Variants in SLCO1C1 observed in about 807,000 individuals in gnomAD.
SLCO1C1 encodes the protein solute carrier organic anion transporter family member 1C1.
A neutral mutation model predicts 76.4 loss-of-function variants in SLCO1C1; 70 were observed. The observed-to-expected ratio is 0.92, with a 90% CI of 0.76 to 1.12. SLCO1C1 has a LOEUF of 1.12. SLCO1C1 is among the 50% of genes most tolerant of loss of function. The pLI is 0.00. For synonymous variants in SLCO1C1, 306 were observed against 286.1 expected, an observed-to-expected ratio of 1.07 and a Z score of -0.70; for missense variants, 912 against 823.8, an observed-to-expected ratio of 1.11 and a Z score of -1.31.
chr12:20,751,479 G>A (rs935247982), intron 14 of SLCO1C1, among the ~76,000 whole-genome samples: 9 of 152,152 alleles, frequency 5.9e-5, no homozygotes, highest in African/African-American at 2.2e-4. Context: ...ATTTTCTGGA[G>A]AAATAAACTT....
chr12:20,738,692 G>A (rs1330236575), intron 11 of SLCO1C1, among the ~76,000 whole-genome samples: 2 of 151,620 alleles, frequency 1.3e-5, no homozygotes, highest in Non-Finnish European at 2.9e-5. Context: ...AGGTTTTTTT[G>A]TAATGAGAGC....
At chr12:20,697,219 C>G (rs1038877013) in intron 1 of SLCO1C1, 5 of 151,862 alleles carry the variant, frequency 3.3e-5, no homozygotes, top group African/African-American at 1.2e-4. Flanking sequence ...TTTCTGGTCA[C>G]TGACTTTAAT....
intron 3 of SLCO1C1, among the ~76,000 whole-genome samples, chr12:20,701,913 C>T (rs1320659402): frequency 6.6e-6 from 1 of 151,534 alleles, no homozygotes; most frequent in Non-Finnish European, 1.5e-5. Context: ...ATTTTTCCAC[C>T]CAGTGGTCTA....
intron 10 of SLCO1C1, among the ~76,000 whole-genome samples, chr12:20,734,579 T>C (rs1948458259): frequency 6.6e-6 from 1 of 152,174 alleles, no homozygotes; most frequent in African/African-American, 2.4e-5. Context: ...TATCCTTGTT[T>C]AAAAGAAACT....
chr12:20,711,283 T>G, intron 4 of SLCO1C1, 103 bp from the exon 5 acceptor site: 2 of 1,323,972 alleles, frequency 1.5e-6, no homozygotes, highest in Non-Finnish European at 2.0e-6. Context: ...CAGAGACAGC[T>G]GCAAGCTCAA....
chr12:20,699,629 A>C lies in SLCO1C1; in HGVS notation c.53A>C (p.Gln18Pro). 1 of 1,612,572 alleles carries C rather than the reference A, an allele frequency of 6.2e-7. No homozygotes were observed. Among genetic ancestry groups the C allele is most frequent in the Non-Finnish European group, 8.5e-7 (1 of 1,179,154 alleles). Residue 18 changes from glutamine to proline, a missense_variant, in exon 2 of 15, where the codon CAA becomes CCA. By Grantham distance (76) the Gln-to-Pro change is moderately conservative. Coordinates refer to ENST00000266509, the MANE Select transcript of SLCO1C1 (RefSeq NM_017435.5). ...CAGTTGTTCTGCAAAACTTCAGTGC[A>C]ACCTGTTGGAAGGCCTTCTTTTAAA... ...NIQLFCKTSV[Q>P]PVGRPSFKTE... is the part of the protein sequence containing the mutation.
intron 10 of SLCO1C1, among the ~76,000 whole-genome samples, chr12:20,734,156 T>C (rs969078937): frequency 2.0e-5 from 3 of 152,172 alleles, no homozygotes; most frequent in South Asian, 2.1e-4. Flanking sequence ...CTTCCCTGCT[T>C]ATCTGTCTTG....
intron 5 of SLCO1C1, among the ~76,000 whole-genome samples, chr12:20,711,800 TTTAGCACA>T (rs1373177302): frequency 6.6e-6 from 1 of 152,206 alleles, no homozygotes; most frequent in Non-Finnish European, 1.5e-5. Context: ...GTGAAACTAG[TTTAGCACA>T]TACAACTCTC....
intron 9 of SLCO1C1, among the ~76,000 whole-genome samples, chr12:20,727,610 C>T (rs1287353803): frequency 6.6e-6 from 1 of 152,154 alleles, no homozygotes; most frequent in East Asian, 1.9e-4. Flanking sequence ...CGCGGGTTCA[C>T]GCCATTCTCC....
Position 20,711,491 on chromosome 12 carries a change from A to C in SLCO1C1, c.510A>C (p.Ser170=). The change falls in exon 5 of 15, where the codon TCA becomes TCC. Residue 170 remains serine (S), a synonymous_variant. Transcript: ENST00000266509. ...TACCAGTTTCAGTTATGGAAAAATCAAAATCCAAAATAAGTAACGGTAAGA... is the reference window on the plus strand; with the variant it reads ...TACCAGTTTCAGTTATGGAAAAATCCAAATCCAAAATAAGTAACGGTAAGA... The part of the protein sequence containing the change: ...SQLPVSVMEK[S]KSKISNECEV... 1.9e-6 allele frequency: 3 copies of C among 1,613,720 alleles called. No homozygotes were observed. Among genetic ancestry groups the C allele is most frequent in the Non-Finnish European group, 8.5e-7 (1 of 1,179,878 alleles).
At position 20,723,322 on chromosome 12, in the gene SLCO1C1, T is replaced by A. The variant is rs573151238; in HGVS notation, c.1186+68T>A. 3.6e-5 allele frequency: 56 copies of A among 1,541,626 alleles called. No individual in the cohort carries two copies. The East Asian group carries it at 6.0e-4, about 17-fold the overall frequency. The stretch of plus-strand genomic sequence containing the variant: ...TAGAGGTACCTGATTAACTCGGGAA[T>A]CTTCGAGAAGATTCTTCCAAGATTT... On this transcript the variant is annotated intron_variant, in intron 9 of 14. Coordinates refer to ENST00000266509, the MANE Select transcript of SLCO1C1 (RefSeq NM_017435.5).
intron 5 of SLCO1C1, among the ~76,000 whole-genome samples, chr12:20,712,728 C>CT (rs1947175054): frequency 1.3e-5 from 2 of 152,074 alleles, no homozygotes; most frequent in African/African-American, 2.4e-5. Flanking sequence ...GTTGAGATGT[C>CT]TTTTTTTCCA....
chr12:20,740,867 T>C (rs965510069), intron 12 of SLCO1C1, among the ~76,000 whole-genome samples: 2 of 144,586 alleles, frequency 1.4e-5, no homozygotes. Context: ...TGTGGAGGAT[T>C]TCATGGCTTT....
intron 9 of SLCO1C1, among the ~76,000 whole-genome samples, chr12:20,730,260 G>T (rs1948208389): frequency 6.6e-6 from 1 of 152,174 alleles, no homozygotes; most frequent in Admixed American, 6.5e-5. Flanking sequence ...TGGCTTTGTG[G>T]AAGGCATTCA....
chr12:20,718,702 A>G (rs1947503432), intron 7 of SLCO1C1, among the ~76,000 whole-genome samples: 3 of 152,276 alleles, frequency 2.0e-5, no homozygotes, highest in African/African-American at 7.2e-5. Context: ...AGTGGTGCTG[A>G]TATAGAGGAG....
At chr12:20,723,836 A>G (rs1038552999) in intron 9 of SLCO1C1, among the ~76,000 whole-genome samples, 22 of 152,156 alleles carry the variant, frequency 1.4e-4, no homozygotes, top group African/African-American at 4.3e-4. Context: ...ATCCATGAAC[A>G]TGTCATTTAA....
chr12:20,706,686 A>AT (rs1946795037), intron 4 of SLCO1C1, among the ~76,000 whole-genome samples: 1 of 152,114 alleles, frequency 6.6e-6, no homozygotes, highest in South Asian at 2.1e-4. Context: ...AACATAGTTT[A>AT]TCTTTTTTAC....
chr12:20,740,023 T>C (rs944025656), intron 11 of SLCO1C1, among the ~76,000 whole-genome samples, 161 bp from the exon 12 acceptor site: 18 of 152,240 alleles, frequency 1.2e-4, no homozygotes, highest in Non-Finnish European at 2.4e-4. Flanking sequence ...TGTATCTATA[T>C]AGATTTTGCT....
intron 9 of SLCO1C1, among the ~76,000 whole-genome samples, chr12:20,731,864 GAC>G (rs1342235157): frequency 6.5e-5 from 9 of 138,194 alleles, no homozygotes; most frequent in South Asian, 2.2e-4. Context: ...TTAATTGCAT[GAC>G]ATTTTTTTTT....
Sources: allele counts gnomAD v4.1 joint callset (sites outside exome capture counted in the v4.1 genomes callset), GRCh38; gene constraint gnomAD v4.1.1; transcripts MANE v1.5; gene names NCBI Gene and HGNC (gene_info 2026-07-23, HGNC 2026-07-21).